The following GALNTL6 variants were observed in gnomAD, a reference collection of about 807,000 sequenced individuals.
GALNTL6 encodes polypeptide N-acetylgalactosaminyltransferase like 6, also known as polypeptide N-acetylgalactosaminyltransferase-like 6.
GALNTL6 carries 46 observed loss-of-function variants against 73.7 expected under a neutral mutation model. The observed-to-expected ratio is 0.62, with a 90% CI of 0.49 to 0.80. The LOEUF is 0.80. GALNTL6 is among the 30% of genes least tolerant of loss of function. The pLI is 0.00. For synonymous variants in GALNTL6, 259 were observed against 263.7 expected, an observed-to-expected ratio of 0.98 and a Z score of 0.17; for missense variants, 604 against 755.0, an observed-to-expected ratio of 0.80 and a Z score of 2.34.
Position 172,878,989 on chromosome 4 carries a change from T to C in GALNTL6, c.924-3801T>C, listed in dbSNP as rs116279617. ...TATAGTAATATCAAGACAAAATAGA[T>C]GACAGAGTGAAGAACATTATTAGGG... On this transcript the variant is annotated intron_variant, in intron 7 of 12. Coordinates refer to ENST00000506823, the MANE Select transcript of GALNTL6 (RefSeq NM_001034845.3). Among the ~76,000 whole-genome samples, 1,378 of 151,858 alleles carry C rather than the reference T, an allele frequency of 9.1e-3. 34 individuals carry two copies. The highest frequency in any genetic ancestry group is 0.032 in the African/African-American group (1,317 of 41,500).
chr4:172,413,402 A>C (rs746543886), intron 5 of GALNTL6, among the ~76,000 whole-genome samples: 1 of 152,252 alleles, frequency 6.6e-6, no homozygotes, highest in Admixed American at 6.5e-5. Context: ...TAACATAAAA[A>C]TTGGGTCTAG....
intron 2 of GALNTL6, among the ~76,000 whole-genome samples, chr4:171,989,587 T>C (rs1296268188): frequency 6.6e-6 from 1 of 152,210 alleles, no homozygotes; most frequent in African/African-American, 2.4e-5. Context: ...GGCTGGGGTT[T>C]GTCTCACAGT....
At chr4:171,819,863 A>G (rs2110800922) in intron 2 of GALNTL6, among the ~76,000 whole-genome samples, 2 of 152,276 alleles carry the variant, frequency 1.3e-5, no homozygotes, top group East Asian at 3.9e-4. Context: ...CTTTAAAACC[A>G]TCTAAGGAGA....
chr4:172,163,745 A>T (rs1006807622), intron 2 of GALNTL6, among the ~76,000 whole-genome samples: 1 of 152,032 alleles, frequency 6.6e-6, no homozygotes, highest in African/African-American at 2.4e-5. Flanking sequence ...CTGTAGGTAT[A>T]AATTCAGAAA....
chr4:172,200,754 A>C (rs145088509), intron 2 of GALNTL6, among the ~76,000 whole-genome samples: 1,533 of 152,322 alleles, frequency 0.01, 18 homozygotes, highest in Non-Finnish European at 0.016. Flanking sequence ...GATTGTCCTT[A>C]ACTTTTGTTT....
intron 2 of GALNTL6, among the ~76,000 whole-genome samples, chr4:171,968,095 T>C (rs1347740567): frequency 6.6e-6 from 1 of 152,218 alleles, no homozygotes; most frequent in Non-Finnish European, 1.5e-5. Flanking sequence ...GCAGTCTTCT[T>C]CTGCCTGTTA....
At chr4:171,835,434 ATAGTT>A (rs1424623862) in intron 2 of GALNTL6, among the ~76,000 whole-genome samples, 1 of 151,320 alleles carries the variant, frequency 6.6e-6, no homozygotes, top group African/African-American at 2.4e-5. Context: ...ATTTACAACT[ATAGTT>A]TATTTATAAC....
chr4:171,926,667 A>G (rs1737993579), intron 2 of GALNTL6, among the ~76,000 whole-genome samples: 2 of 152,078 alleles, frequency 1.3e-5, no homozygotes, highest in Admixed American at 1.3e-4. Context: ...GATATGCAGG[A>G]TATCATTTTC....
intron 5 of GALNTL6, among the ~76,000 whole-genome samples, chr4:172,405,427 ATATATATATATATATATTTTTTTTTTTTT>A (rs1237719888): frequency 0.26 from 4,953 of 19,036 alleles, 202 homozygotes; most frequent in Non-Finnish European, 0.28. Context: ...ATATATATAT[ATATATATATATATATATTTTTTTTTTTTT>A]TTTTTTTTTT....
intron 5 of GALNTL6, among the ~76,000 whole-genome samples, chr4:172,575,646 C>G (rs976847317): frequency 1.3e-5 from 2 of 152,178 alleles, no homozygotes; most frequent in Admixed American, 1.3e-4. Flanking sequence ...GCTTATTATT[C>G]TACTTTCTAA....
chr4:171,875,481 T>C (rs1736251069), intron 2 of GALNTL6, among the ~76,000 whole-genome samples: 1 of 152,098 alleles, frequency 6.6e-6, no homozygotes, highest in African/African-American at 2.4e-5. Context: ...CCCCTTACTG[T>C]CAGTTGATGC....
chr4:172,358,857 CAAAAAAAAAAAA>C lies in GALNTL6; in HGVS notation c.553+10182_553+10193del, dbSNP rs56119441. Among the ~76,000 whole-genome samples, 4 of 85,568 alleles carry C rather than the reference CAAAAAAAAAAAA, an allele frequency of 4.7e-5. No individual in the cohort carries two copies. The East Asian group carries it at 9.8e-4, about 21-fold the overall frequency. 56.1% of individuals were successfully genotyped at this position (85,568 alleles called of 152,430 possible). A position where few individuals can be genotyped will look rare whatever the true frequency, so the allele number is the denominator to read the frequency against. Reference sequence around the variant, plus strand: ...AAAATAATGATGGCTATTAAAAAGTCAAAAAAAAAAAAAAAAAAAAAAAAACAGAGGCTGGTG... The same window carrying C: ...AAAATAATGATGGCTATTAAAAAGTCAAAAAAAAAAAAACAGAGGCTGGTG... On this transcript the variant is annotated intron_variant, in intron 5 of 12. Transcript: ENST00000506823.
chr4:171,983,136 A>G (rs1449304923), intron 2 of GALNTL6, among the ~76,000 whole-genome samples: 1 of 152,184 alleles, frequency 6.6e-6, no homozygotes, highest in Non-Finnish European at 1.5e-5. Flanking sequence ...TGTCTAAATA[A>G]ACCCGTATAG....
intron 7 of GALNTL6, among the ~76,000 whole-genome samples, chr4:172,850,067 GT>G (rs575427797): frequency 2.4e-4 from 37 of 152,260 alleles, no homozygotes; most frequent in African/African-American, 8.7e-4. Flanking sequence ...GGGTTTGGGA[GT>G]TTTTTAGGCA....
chr4:171,952,871 GA>G (rs1738925262), intron 2 of GALNTL6, among the ~76,000 whole-genome samples: 1 of 150,864 alleles, frequency 6.6e-6, no homozygotes, highest in Non-Finnish European at 1.5e-5. Flanking sequence ...TATAAACCTT[GA>G]AAAGAAAGGA....
chr4:172,695,330 G>T (rs1422730055), intron 5 of GALNTL6, among the ~76,000 whole-genome samples: 1 of 152,148 alleles, frequency 6.6e-6, no homozygotes, highest in East Asian at 1.9e-4. Flanking sequence ...TCATTCATTT[G>T]ATTCATTCTT....
At chr4:172,663,667 G>A (rs975792724) in intron 5 of GALNTL6, among the ~76,000 whole-genome samples, 9 of 152,134 alleles carry the variant, frequency 5.9e-5, no homozygotes, top group East Asian at 1.9e-4. Flanking sequence ...AGTGGCTCAC[G>A]CCTATAATCC....
intron 7 of GALNTL6, among the ~76,000 whole-genome samples, chr4:172,863,537 T>C (rs780546172): frequency 1.3e-5 from 2 of 152,216 alleles, no homozygotes; most frequent in Non-Finnish European, 2.9e-5. Context: ...ATGGAATCTG[T>C]AGCCCCTTTG....
chr4:172,367,095 C>G (rs1742593334), intron 5 of GALNTL6, among the ~76,000 whole-genome samples: 1 of 152,040 alleles, frequency 6.6e-6, no homozygotes, highest in East Asian at 1.9e-4. Flanking sequence ...GATGGCATAC[C>G]TGAGTGTAAG....
Sources: gnomAD v4.1 joint callset for allele counts (sites outside exome capture counted in the v4.1 genomes callset) on GRCh38, gnomAD v4.1.1 for gene constraint, MANE v1.5 for transcripts, NCBI Gene and HGNC (gene_info 2026-07-23, HGNC 2026-07-21) for gene names.